The following LHFPL3 variants were observed in gnomAD, a reference collection of about 807,000 sequenced individuals.
The protein encoded by LHFPL3 is LHFPL tetraspan subfamily member 3.
In LHFPL3, 5 loss-of-function variants were observed where a neutral mutation model predicts 19.3. That is an observed-to-expected ratio of 0.26 (90% CI 0.14 to 0.54). The LOEUF (loss-of-function observed/expected upper bound fraction) is 0.54, where lower values mean the gene tolerates loss of function less well. Among genes scored for constraint, LHFPL3 ranks in the 20% least tolerant of loss-of-function variants. The probability of loss-of-function intolerance (pLI) is 0.94; values close to 1 mark genes in which losing one functional copy is unlikely to be tolerated. For missense variants in LHFPL3, 249 were observed against 307.4 expected, an observed-to-expected ratio of 0.81 and a Z score of 1.42; for synonymous variants, 133 against 126.2, an observed-to-expected ratio of 1.05 and a Z score of -0.36.
At chr7:104,666,261 A>G (rs1164995651) in intron 1 of LHFPL3, among the ~76,000 whole-genome samples, 1 of 151,886 alleles carries the variant, frequency 6.6e-6, no homozygotes, top group Non-Finnish European at 1.5e-5. Flanking sequence ...ATTATAACTT[A>G]TTCCTTCTAT....
intron 1 of LHFPL3, among the ~76,000 whole-genome samples, chr7:104,466,865 T>C (rs964464718): frequency 6.6e-6 from 1 of 152,238 alleles, no homozygotes; most frequent in African/African-American, 2.4e-5. Context: ...AGAGTTCTGA[T>C]TTCCATGCTT....
chr7:104,458,436 T>G (rs1316906129), intron 1 of LHFPL3, among the ~76,000 whole-genome samples: 1 of 152,116 alleles, frequency 6.6e-6, no homozygotes, highest in African/African-American at 2.4e-5. Flanking sequence ...AGATATGCGG[T>G]GTTATTTCTG....
chr7:104,553,803 T>G (rs1195739709), intron 1 of LHFPL3, among the ~76,000 whole-genome samples: 1 of 152,196 alleles, frequency 6.6e-6, no homozygotes, highest in East Asian at 1.9e-4. Flanking sequence ...TGCTGAGAAG[T>G]AAACACTGAA....
intron 1 of LHFPL3, among the ~76,000 whole-genome samples, chr7:104,465,239 A>G (rs768783260): frequency 1.3e-5 from 2 of 151,944 alleles, no homozygotes; most frequent in Admixed American, 6.6e-5. Context: ...TATGGACTTC[A>G]TTGTCCATAT....
At chr7:104,374,294 T>C (rs1050394753) in intron 1 of LHFPL3, among the ~76,000 whole-genome samples, 3 of 151,160 alleles carry the variant, frequency 2.0e-5, no homozygotes, top group African/African-American at 7.3e-5. Flanking sequence ...CAGGCTGGAG[T>C]ACAATGGCGT....
rs1487815169 is a variant in LHFPL3 at position 104,329,231 on chromosome 7, G to T, written c.445+7G>T. 1 of 1,591,994 alleles carries T rather than the reference G, an allele frequency of 6.3e-7. No individual in the cohort carries two copies. Among genetic ancestry groups the T allele is most frequent in the Admixed American group, 1.7e-5 (1 of 58,480 alleles). On this transcript the variant is annotated splice_region_variant and intron_variant, in intron 1 of 2. Transcript: ENST00000424859. ...TGGATGCAGCTCACCTCCGGTGAGT[G>T]CGCGCTCACCTCCGCGGAGGCGGAG...
chr7:104,756,764 T>C (rs1437258681), intron 2 of LHFPL3, among the ~76,000 whole-genome samples: 1 of 152,204 alleles, frequency 6.6e-6, no homozygotes, highest in Non-Finnish European at 1.5e-5. Flanking sequence ...CCTCCCAAAA[T>C]GCTGGGATTA....
chr7:104,590,636 G>A (rs994359294), intron 1 of LHFPL3, among the ~76,000 whole-genome samples: 10 of 152,102 alleles, frequency 6.6e-5, no homozygotes, highest in Non-Finnish European at 8.8e-5. Flanking sequence ...GGTCCGCTTG[G>A]TGCAGAGCTG....
At chr7:104,817,624 C>A (rs1015234959) in intron 2 of LHFPL3, among the ~76,000 whole-genome samples, 1 of 152,164 alleles carries the variant, frequency 6.6e-6, no homozygotes, top group Non-Finnish European at 1.5e-5. Context: ...CATCATAGAG[C>A]CCTGAGGCCC....
intron 1 of LHFPL3, among the ~76,000 whole-genome samples, chr7:104,689,581 C>A (rs1019077775): frequency 1.3e-5 from 2 of 152,150 alleles, no homozygotes; most frequent in Non-Finnish European, 1.5e-5. Context: ...GGAGGGACCC[C>A]ACTACACTAC....
chr7:104,407,237 C>T (rs568579941), intron 1 of LHFPL3, among the ~76,000 whole-genome samples: 4 of 152,302 alleles, frequency 2.6e-5, no homozygotes, highest in Non-Finnish European at 4.4e-5. Flanking sequence ...AACATAACCC[C>T]GTCTTTAACT....
chr7:104,785,273 A>T (rs1220113119), intron 2 of LHFPL3: 1 of 150,588 alleles, frequency 6.6e-6, no homozygotes, highest in African/African-American at 2.5e-5. Flanking sequence ...CCCTCTTCAC[A>T]CTCCCAAGGA....
intron 1 of LHFPL3, among the ~76,000 whole-genome samples, chr7:104,633,331 A>T (rs1333245146): frequency 6.6e-6 from 1 of 152,214 alleles, no homozygotes; most frequent in Non-Finnish European, 1.5e-5. Context: ...TAGGGAAAGA[A>T]TATTAATTCC....
chr7:104,724,918 A>C (rs1793563291), intron 1 of LHFPL3, among the ~76,000 whole-genome samples: 2 of 152,308 alleles, frequency 1.3e-5, no homozygotes, highest in Middle Eastern at 3.4e-3. Flanking sequence ...CAAAACCCTG[A>C]CCTTGTTAGA....
intron 1 of LHFPL3, among the ~76,000 whole-genome samples, chr7:104,660,703 G>A (rs779344737): frequency 6.6e-6 from 1 of 152,204 alleles, no homozygotes; most frequent in Non-Finnish European, 1.5e-5. Context: ...TCTTTGCCTT[G>A]AAGGTTATAT....
intron 1 of LHFPL3, among the ~76,000 whole-genome samples, chr7:104,559,110 G>A (rs994872346): frequency 1.4e-5 from 2 of 146,102 alleles, no homozygotes; most frequent in Admixed American, 1.4e-4. Context: ...AAGTCAGGTA[G>A]TGTGATGCCT....
chr7:104,637,494 T>C (rs1173634944), intron 1 of LHFPL3, among the ~76,000 whole-genome samples: 3 of 152,228 alleles, frequency 2.0e-5, no homozygotes, highest in African/African-American at 7.2e-5. Flanking sequence ...GGTTATCTTC[T>C]AGGATTTTTA....
At chr7:104,424,110 C>A (rs1044838516) in intron 1 of LHFPL3, among the ~76,000 whole-genome samples, 2 of 151,928 alleles carry the variant, frequency 1.3e-5, no homozygotes, top group Non-Finnish European at 2.9e-5. Context: ...TGTGTTCTCT[C>A]CCTTAAAAAA....
At chr7:104,608,492 G>A (rs1486107430) in intron 1 of LHFPL3, among the ~76,000 whole-genome samples, 4 of 111,506 alleles carry the variant, frequency 3.6e-5, no homozygotes, top group Non-Finnish European at 6.9e-5. Flanking sequence ...TCCGGGGACT[G>A]TTGTGGGGTG....
Sources: allele counts gnomAD v4.1 joint callset (sites outside exome capture counted in the v4.1 genomes callset), GRCh38; gene constraint gnomAD v4.1.1; transcripts MANE v1.5; gene names NCBI Gene and HGNC (gene_info 2026-07-23, HGNC 2026-07-21).